PARVB: variants seen among roughly 807,000 people sequenced by gnomAD.
The protein encoded by PARVB is parvin beta, also known as beta-parvin.
A neutral mutation model predicts 47.0 loss-of-function variants in PARVB; 46 were observed. The observed-to-expected ratio is 0.98, with a 90% CI of 0.77 to 1.25. PARVB has a LOEUF of 1.25. Ranked by LOEUF, PARVB falls within the 50% of genes most tolerant of loss-of-function variation. The probability of loss-of-function intolerance (pLI) is 0.00; values close to 1 mark genes in which losing one functional copy is unlikely to be tolerated. For synonymous variants in PARVB, 196 were observed against 196.3 expected (o/e 1.00, Z 0.01); for missense variants, 473 against 471.6 (o/e 1.00, Z -0.03).
chr22:44,081,606 T>A (rs2051901742), intron 1 of PARVB: 1 of 985,258 alleles, frequency 1.0e-6, no homozygotes. Flanking sequence ...CACGGCCGTT[T>A]CTGCTTTCCT....
At chr22:44,094,581 C>A (rs1407016328) in intron 2 of PARVB, among the ~76,000 whole-genome samples, 2 of 152,054 alleles carry the variant, frequency 1.3e-5, no homozygotes, top group Non-Finnish European at 2.9e-5. Flanking sequence ...CCTTTACCGT[C>A]CAGGTTCAAG....
intron 3 of PARVB, among the ~76,000 whole-genome samples, chr22:44,101,472 G>A (rs1014320618): frequency 6.6e-6 from 1 of 151,698 alleles, no homozygotes; most frequent in Non-Finnish European, 1.5e-5. Flanking sequence ...CATTGAGACC[G>A]GGCGCAGTGG....
chr22:44,023,060 T>C (rs987472982), upstream of PARVB, among the ~76,000 whole-genome samples: 2 of 152,066 alleles, frequency 1.3e-5, no homozygotes, highest in East Asian at 3.9e-4. Context: ...TCCTCCTACT[T>C]CTTCAAGGCT....
intron 2 of PARVB, among the ~76,000 whole-genome samples, chr22:44,016,027 C>T (rs2050572740): frequency 6.6e-6 from 1 of 152,090 alleles, no homozygotes; most frequent in Admixed American, 6.6e-5. Flanking sequence ...ATGGAACCAA[C>T]AACGCATTTT....
intron 11 of PARVB, among the ~76,000 whole-genome samples, chr22:44,159,868 C>T (rs893877582): frequency 1.3e-5 from 2 of 152,128 alleles, no homozygotes; most frequent in African/African-American, 4.8e-5. Context: ...TGGGCTGAGA[C>T]CCCGAGGTGC....
intron 1 of PARVB, among the ~76,000 whole-genome samples, chr22:44,082,651 T>A (rs1451173342): frequency 6.6e-6 from 1 of 152,150 alleles, no homozygotes; most frequent in Non-Finnish European, 1.5e-5. Flanking sequence ...CACCGGCCCC[T>A]CCATGCCCCG....
At chr22:44,114,837 C>G (rs1429250463) in intron 3 of PARVB, 1 of 132,418 alleles carries the variant, frequency 7.6e-6, no homozygotes, top group Non-Finnish European at 1.6e-5. Context: ...AACTAAGGCC[C>G]TGTACCAACA....
Position 44,172,381 on chromosome 22 carries a change from C to T in PARVB, c.*3703C>T, listed in dbSNP as rs370313510. 4 of 153,076 alleles carry T rather than the reference C, an allele frequency of 2.6e-5. No individual in the cohort carries two copies. In the East Asian group the frequency reaches 5.8e-4, roughly 22 times the overall value. The allele number at this position is 153,076 out of a possible 1,614,324, so 9.5% of individuals were successfully genotyped here. On this transcript the variant is annotated 3_prime_UTR_variant, in exon 13 of 13. Coordinates refer to ENST00000338758, the MANE Select transcript of PARVB (RefSeq NM_013327.5). ...CTGGTCCATAGGAACTGAGTGAAAGCAAGGCCAAGTATGTCCACCCATGGG... is the reference window on the plus strand; with the variant it reads ...CTGGTCCATAGGAACTGAGTGAAAGTAAGGCCAAGTATGTCCACCCATGGG...
intron 10 of PARVB, among the ~76,000 whole-genome samples, chr22:44,154,782 G>C (rs1413362347): frequency 2.8e-5 from 4 of 144,666 alleles, no homozygotes; most frequent in Non-Finnish European, 6.0e-5. Context: ...GGTTTATGTA[G>C]TCTGTGTGGT....
At chr22:44,135,820 G>A (rs1462958302) in intron 6 of PARVB, among the ~76,000 whole-genome samples, 1 of 152,102 alleles carries the variant, frequency 6.6e-6, no homozygotes, top group South Asian at 2.1e-4. Context: ...GGTGTTCTTG[G>A]CTTGTGGCCA....
At chr22:44,012,431 A>C (rs1316362257) in intron 2 of PARVB, among the ~76,000 whole-genome samples, 2 of 152,166 alleles carry the variant, frequency 1.3e-5, no homozygotes, top group East Asian at 3.8e-4. Flanking sequence ...AATTCTAGGC[A>C]AGTCTGGTCA....
At chr22:44,168,522 G>A (rs6006687) in intron 12 of PARVB, 80 bp from the exon 13 acceptor site, 133,231 of 904,300 alleles carry the variant, frequency 0.15, 11,314 homozygotes, top group African/African-American at 0.24. Flanking sequence ...GTGTCATGCT[G>A]GAGACGTGGC....
Position 44,158,881 on chromosome 22 carries a change from C to T in PARVB, c.945+798C>T, listed in dbSNP as rs774755191. On this transcript the variant is annotated intron_variant, in intron 11 of 12. Coordinates refer to ENST00000338758, the MANE Select transcript of PARVB (RefSeq NM_013327.5). The stretch of plus-strand genomic sequence containing the variant: ...TAGACCCATGAGTCAGGGAGGCAGA[C>T]AATGTAAGCTGGTGGCGACAGCCAG... 4.5e-4 allele frequency among the ~76,000 whole-genome samples: 68 copies of T among 152,356 alleles called. No homozygotes were observed. In the Middle Eastern group the frequency reaches 0.01, roughly 23 times the overall value.
chr22:44,000,138 T>C (rs920590601), intron 2 of PARVB, among the ~76,000 whole-genome samples: 1 of 152,234 alleles, frequency 6.6e-6, no homozygotes, highest in African/African-American at 2.4e-5. Flanking sequence ...GAGAAGATCT[T>C]GGTGTATTCA....
chr22:44,027,940 T>TAC (rs201594651), intron 1 of PARVB, among the ~76,000 whole-genome samples: 2 of 142,732 alleles, frequency 1.4e-5, no homozygotes, highest in East Asian at 4.0e-4. Flanking sequence ...TATATATATA[T>TAC]TCATGTGTGT....
rs190199811 is a variant in PARVB, at chr22:44,014,772, T to G, written c.211+15099T>G. Among the ~76,000 whole-genome samples the G allele has an allele frequency of 3.3e-5, 5 of 152,234 alleles. No individual in the cohort carries two copies. In the East Asian group the frequency reaches 9.6e-4, roughly 29 times the overall value. On this transcript the variant is annotated intron_variant, in intron 2 of 13. Coordinates refer to the PARVB transcript ENST00000406477. The stretch of plus-strand genomic sequence containing the variant: ...CTCTCACCTTGAAAAGAAATACAAC[T>G]TAGTCCACAGCCATCAAGCCAGTTC...
rs573837799 is a variant in PARVB, at chr22:44,004,939, G to T, written c.211+5266G>T. Among the ~76,000 whole-genome samples the T allele has an allele frequency of 2.6e-5, 4 of 152,244 alleles. No homozygotes were observed. The South Asian group carries it at 8.3e-4, about 32-fold the overall frequency. On this transcript the variant is annotated intron_variant, in intron 2 of 13. Transcript: ENST00000406477. ...ATTGTTCCAAAAAGATTCTAAAAATGGATGATTGATTTAAAAGGTTCTCAG... is the reference window on the plus strand; with the variant it reads ...ATTGTTCCAAAAAGATTCTAAAAATTGATGATTGATTTAAAAGGTTCTCAG...
At chr22:44,128,125 G>A (rs1170208871) in intron 4 of PARVB, among the ~76,000 whole-genome samples, 2 of 152,186 alleles carry the variant, frequency 1.3e-5, no homozygotes, top group African/African-American at 4.8e-5. Context: ...CAGCTGCCGG[G>A]TTCTCTGCCA....
intron 1 of PARVB, among the ~76,000 whole-genome samples, chr22:44,034,718 T>C (rs1458601323): frequency 2.0e-5 from 3 of 149,530 alleles, no homozygotes; most frequent in Non-Finnish European, 4.5e-5. Flanking sequence ...TTTTTTTTTT[T>C]TTTTTTTTTT....
Sources: allele counts gnomAD v4.1 joint callset (sites outside exome capture counted in the v4.1 genomes callset), GRCh38; gene constraint gnomAD v4.1.1; transcripts MANE v1.5; gene names NCBI Gene and HGNC (gene_info 2026-07-23, HGNC 2026-07-21).